The following ZSCAN5C variants were observed in gnomAD, a reference collection of about 807,000 sequenced individuals.
The protein encoded by ZSCAN5C is zinc finger and SCAN domain containing 5C.
Under a neutral mutation model 17.3 loss-of-function variants are expected in ZSCAN5C, and 11 were observed. That is an observed-to-expected ratio of 0.64 (90% CI 0.40 to 1.06). ZSCAN5C has a LOEUF of 1.06. ZSCAN5C is among the 50% of genes least tolerant of loss of function. The pLI is 0.00. For synonymous variants in ZSCAN5C, 229 were observed against 208.4 expected (o/e 1.10, Z -0.85); for missense variants, 698 against 538.9 (o/e 1.30, Z -2.92).
chr19:56,203,372 A>C (rs13382080), intron 1 of ZSCAN5C, among the ~76,000 whole-genome samples: 8,741 of 151,976 alleles, frequency 0.058, 592 homozygotes, highest in East Asian at 0.25. Context: ...GATAGAAACA[A>C]TGTAAAATGG....
chr19:56,208,334 T>A, intron 4 of ZSCAN5C, 115 bp from the exon 5 acceptor site: 3 of 761,964 alleles, frequency 3.9e-6, no homozygotes, highest in Non-Finnish European at 6.5e-6. Context: ...CAGTCCAATG[T>A]CTTAGGTTTA....
chr19:56,208,768 G>A, exon 5 of ZSCAN5C: 2 of 1,599,934 alleles, frequency 1.3e-6, no homozygotes, highest in Non-Finnish European at 1.7e-6. Flanking sequence ...TCAAGGAACT[G>A]CTGCCCTTTG....
At chr19:56,207,484 G>C (rs959688088) in intron 3 of ZSCAN5C, among the ~76,000 whole-genome samples, 3 of 151,298 alleles carry the variant, frequency 2.0e-5, no homozygotes, top group African/African-American at 7.4e-5. Context: ...TAGGGTGGGG[G>C]GTAAGAAATG....
intron 1 of ZSCAN5C, among the ~76,000 whole-genome samples, chr19:56,202,578 G>A (rs77311581): frequency 0.018 from 2,785 of 151,850 alleles, 132 homozygotes; most frequent in African/African-American, 0.063. Flanking sequence ...CTTTCTCATC[G>A]TGGTTAGGCT....
rs147316078 is a variant in ZSCAN5C at position 56,205,684 on chromosome 19, A to G, written c.-127-103A>G. Reference sequence around the variant, plus strand: ...ATTGATTTCCACGGTGCTGAGTCCAATGCTAGAGGGGAAGTGGGGTCTGGG... The same window carrying G: ...ATTGATTTCCACGGTGCTGAGTCCAGTGCTAGAGGGGAAGTGGGGTCTGGG... On this transcript the variant is annotated intron_variant, in intron 1 of 4. Coordinates refer to ENST00000534327, the Ensembl canonical transcript of ZSCAN5C. 1.5e-3 allele frequency: 762 copies of G among 522,844 alleles called. 17 individuals carry two copies. The South Asian group carries it at 0.019, about 13-fold the overall frequency. 32.4% of individuals were successfully genotyped at this position (522,844 alleles called of 1,614,324 possible).
Position 56,203,796 on chromosome 19 carries a change from T to C in ZSCAN5C, c.-128+1474T>C, listed in dbSNP as rs2032894622. On this transcript the variant is annotated intron_variant, in intron 1 of 4. Transcript: ENST00000534327. ...TCCCAAGTAGCTGGGATTACAGGCA[T>C]GTGCCACCAAGCCTGGCTAATTTTG... 2.0e-5 allele frequency among the ~76,000 whole-genome samples: 3 copies of C among 151,572 alleles called. No individual in the cohort carries two copies. In the South Asian group the frequency reaches 6.3e-4, roughly 32 times the overall value.
chr19:56,207,315 G>A, intron 3 of ZSCAN5C, 53 bp downstream of exon 3: 3 of 711,436 alleles, frequency 4.2e-6, no homozygotes, highest in Non-Finnish European at 7.8e-6. Flanking sequence ...GGAACGGGAG[G>A]AAATCGTGTG....
In ZSCAN5C at chr19:56,208,157, C is replaced by G. The variant is rs767154435; in HGVS notation, c.712C>G (p.Pro238Ala). The G allele has an allele frequency of 3.8e-6, 3 of 779,850 alleles. No homozygotes were observed. In the South Asian group the frequency reaches 4.0e-5, roughly 10 times the overall value. 48.3% of individuals were successfully genotyped at this position (779,850 alleles called of 1,614,324 possible). A position where few individuals can be genotyped will look rare whatever the true frequency, so the allele number is the denominator to read the frequency against. The stretch of plus-strand genomic sequence containing the variant: ...GGAGGAGAACCCAGGACTTACATCC[C>G]CAGAGCCTCAGCTTCCAAACAGTCC... The change falls in exon 4 of 5, where the codon CCA (proline) becomes GCA (alanine). Residue 238 changes from proline (P) to alanine (A), a missense_variant. This residue lies in a region of ZSCAN5C where 554 missense variants were observed against 390.5 expected (regional missense o/e 1.42). Coordinates refer to ENST00000534327, the Ensembl canonical transcript of ZSCAN5C.
intron 1 of ZSCAN5C, among the ~76,000 whole-genome samples, chr19:56,203,547 T>A (rs1336655034): frequency 6.6e-6 from 1 of 151,620 alleles, no homozygotes; most frequent in Non-Finnish European, 1.5e-5. Flanking sequence ...TCTCTTCAAC[T>A]GAAATTCATA....
intron 1 of ZSCAN5C, among the ~76,000 whole-genome samples, chr19:56,203,821 G>C (rs1413763351): frequency 1.3e-5 from 2 of 151,168 alleles, no homozygotes; most frequent in African/African-American, 2.5e-5. Flanking sequence ...GGCTAATTTT[G>C]TATTTTTAGT....
chr19:56,202,282 T>A lies in ZSCAN5C; in HGVS notation c.-168T>A, dbSNP rs1424125309. ...AGCTCCAGAGCAGTTGGAGAGCACA[T>A]CCTAGAAGAGAGGAGGCTGGAGGCA... On this transcript the variant is annotated 5_prime_UTR_variant, in exon 1 of 5. Coordinates refer to ENST00000534327, the Ensembl canonical transcript of ZSCAN5C. The A allele has an allele frequency of 2.0e-5, 3 of 152,136 alleles. No homozygotes were observed. In the East Asian group the frequency reaches 5.8e-4, roughly 29 times the overall value. 9.4% of individuals were successfully genotyped at this position (152,136 alleles called of 1,614,324 possible).
exon 5 of ZSCAN5C, chr19:56,208,691 G>C (rs2032953295): frequency 6.2e-7 from 1 of 1,612,694 alleles, no homozygotes; most frequent in African/African-American, 1.3e-5. Flanking sequence ...CCCGGGACAA[G>C]CTGAGATCAA....
exon 2 of ZSCAN5C, chr19:56,206,211 C>T (rs768707473): frequency 4.4e-6 from 7 of 1,583,170 alleles, no homozygotes; most frequent in Middle Eastern, 2.3e-4. Flanking sequence ...GCCCCAGGAG[C>T]TCCAGGTCTT....
At chr19:56,203,323 G>T (rs534529952) in intron 1 of ZSCAN5C, among the ~76,000 whole-genome samples, 1 of 151,894 alleles carries the variant, frequency 6.6e-6, no homozygotes, top group Admixed American at 6.5e-5. Flanking sequence ...AAACAAGAAA[G>T]ATACGTATTT....
In ZSCAN5C at chr19:56,206,072, G is replaced by A. The variant is rs553960530; in HGVS notation, c.159G>A (p.Pro53=). ...TGAACTTCAGGATGTTCAGCTGCCCGAAGGAGTCGGACCCCATCCAGGCTC... is the reference window on the plus strand; with the variant it reads ...TGAACTTCAGGATGTTCAGCTGCCCAAAGGAGTCGGACCCCATCCAGGCTC... The change falls in exon 2 of 5, where the codon CCG becomes CCA. Residue 53 remains proline (P), a synonymous_variant. Coordinates refer to ENST00000534327, the Ensembl canonical transcript of ZSCAN5C. The A allele has an allele frequency of 9.7e-5, 156 of 1,610,708 alleles. No homozygotes were observed. The East Asian group carries it at 1.9e-3, about 19-fold the overall frequency.
rs1318944639 is a variant in ZSCAN5C, at chr19:56,207,902, C to T, written c.589-132C>T. The T allele has an allele frequency of 1.7e-5, 10 of 605,160 alleles. No individual in the cohort carries two copies. In the East Asian group the frequency reaches 2.8e-4, roughly 17 times the overall value. 37.5% of individuals were successfully genotyped at this position (605,160 alleles called of 1,614,324 possible). A position where few individuals can be genotyped will look rare whatever the true frequency, so the allele number is the denominator to read the frequency against. On this transcript the variant is annotated intron_variant, in intron 3 of 4. Transcript: ENST00000534327. ...CTGGCACAGCGGGGAGAAATATGCC[C>T]AGAGAACCAAACAGTGAAAACCACC...
chr19:56,204,504 G>T (rs1436100390), intron 1 of ZSCAN5C, among the ~76,000 whole-genome samples: 1 of 151,690 alleles, frequency 6.6e-6, no homozygotes, highest in African/African-American at 2.4e-5. Flanking sequence ...CCATTCACAT[G>T]TCTTCATCTG....
chr19:56,204,024 T>A (rs9916989), intron 1 of ZSCAN5C, among the ~76,000 whole-genome samples: 67 of 152,056 alleles, frequency 4.4e-4, no homozygotes, highest in African/African-American at 1.6e-3. Flanking sequence ...TAATTTCAAG[T>A]TTTATTTTAA....
chr19:56,203,300 C>T (rs1344454377), intron 1 of ZSCAN5C, among the ~76,000 whole-genome samples: 1 of 151,734 alleles, frequency 6.6e-6, no homozygotes, highest in Admixed American at 6.6e-5. Context: ...AAAAAATTTA[C>T]TTTTAAATTG....
Sources: allele counts gnomAD v4.1 joint callset (sites outside exome capture counted in the v4.1 genomes callset), GRCh38; gene constraint gnomAD v4.1.1; regional missense constraint gnomAD v4.1.1; transcripts MANE v1.5; gene names NCBI Gene and HGNC (gene_info 2026-07-23, HGNC 2026-07-21).